Variants in TMEM132D observed in about 807,000 individuals in gnomAD.
TMEM132D encodes the protein transmembrane protein 132D, also known as mature OL transmembrane protein.
TMEM132D carries 21 observed loss-of-function variants against 62.3 expected under a neutral mutation model. The ratio of observed to expected loss-of-function variants is 0.34; its 90% CI spans 0.24 to 0.49. TMEM132D has a LOEUF of 0.49. Among genes scored for constraint, TMEM132D ranks in the 20% least tolerant of loss-of-function variants. The probability of loss-of-function intolerance (pLI) is 0.99; values close to 1 mark genes in which losing one functional copy is unlikely to be tolerated. For synonymous variants in TMEM132D, 621 were observed against 575.6 expected (o/e 1.08, Z -1.13); for missense variants, 1,346 against 1,402.8 (o/e 0.96, Z 0.65).
At chr12:129,550,908 T>C (rs1246733444) in intron 2 of TMEM132D, among the ~76,000 whole-genome samples, 3 of 152,192 alleles carry the variant, frequency 2.0e-5, no homozygotes, top group African/African-American at 7.2e-5. Flanking sequence ...AGTCACACTA[T>C]GAGGCTGTGA....
chr12:129,246,077 C>T (rs879453429), intron 4 of TMEM132D, among the ~76,000 whole-genome samples: 12 of 151,994 alleles, frequency 7.9e-5, no homozygotes, highest in Non-Finnish European at 1.2e-4. Context: ...CATCCACTGG[C>T]TCCTATAAGC....
chr12:129,864,087 C>T (rs1033443270), intron 1 of TMEM132D, among the ~76,000 whole-genome samples: 10 of 152,284 alleles, frequency 6.6e-5, no homozygotes, highest in Middle Eastern at 3.4e-3. Flanking sequence ...AAAGGTGGGG[C>T]ATAAAAAGCA....
At chr12:129,643,000 C>T (rs573359837) in intron 2 of TMEM132D, among the ~76,000 whole-genome samples, 23 of 148,570 alleles carry the variant, frequency 1.5e-4, no homozygotes, top group Admixed American at 2.7e-4. Context: ...TCTCGGCTCA[C>T]TGCAACCTCT....
intron 3 of TMEM132D, among the ~76,000 whole-genome samples, chr12:129,351,960 A>G (rs1869880498): frequency 6.6e-6 from 1 of 152,166 alleles, no homozygotes; most frequent in African/African-American, 2.4e-5. Flanking sequence ...CAGCCTGAAG[A>G]AGTTACAGAA....
At chr12:129,795,106 ACCT>A (rs1871525256) in intron 1 of TMEM132D, among the ~76,000 whole-genome samples, 1 of 152,048 alleles carries the variant, frequency 6.6e-6, no homozygotes, top group Admixed American at 6.5e-5. Context: ...TACACTAAAA[ACCT>A]CCTTACATTA....
intron 5 of TMEM132D, among the ~76,000 whole-genome samples, chr12:129,193,013 C>T (rs1878447411): frequency 6.6e-6 from 1 of 152,090 alleles, no homozygotes; most frequent in South Asian, 2.1e-4. Context: ...AAAAAATTAG[C>T]CGAGCGCGGT....
chr12:129,154,687 A>G (rs993396107), intron 5 of TMEM132D, among the ~76,000 whole-genome samples: 1 of 152,158 alleles, frequency 6.6e-6, no homozygotes, highest in Admixed American at 6.5e-5. Context: ...TTGGTCCCCT[A>G]AGCCATTTTT....
chr12:129,830,526 G>A (rs981090494), intron 1 of TMEM132D, among the ~76,000 whole-genome samples: 1 of 152,080 alleles, frequency 6.6e-6, no homozygotes, highest in African/African-American at 2.4e-5. Flanking sequence ...TAACCTGGAA[G>A]CCCCCTCCCT....
At chr12:129,253,961 A>G (rs1880336467) in intron 4 of TMEM132D, among the ~76,000 whole-genome samples, 1 of 152,240 alleles carries the variant, frequency 6.6e-6, no homozygotes, top group African/African-American at 2.4e-5. Flanking sequence ...AAAGCCCAAA[A>G]GGAAAAAGGA....
At chr12:129,613,815 C>G (rs896823938) in intron 2 of TMEM132D, among the ~76,000 whole-genome samples, 11 of 151,800 alleles carry the variant, frequency 7.2e-5, no homozygotes, top group Non-Finnish European at 1.5e-4. Flanking sequence ...TCTGCAGAAC[C>G]CAGGGGACTG....
chr12:129,317,540 G>A (rs932790557), intron 4 of TMEM132D, among the ~76,000 whole-genome samples: 2 of 152,142 alleles, frequency 1.3e-5, no homozygotes, highest in Admixed American at 1.3e-4. Flanking sequence ...TTCCTTTATA[G>A]GTTACCTGGT....
intron 1 of TMEM132D, among the ~76,000 whole-genome samples, chr12:129,843,198 A>T (rs973409597): frequency 6.6e-6 from 1 of 152,226 alleles, no homozygotes; most frequent in Non-Finnish European, 1.5e-5. Flanking sequence ...GAGAATCTCC[A>T]GTGTGTCTGA....
chr12:129,295,611 C>T (rs1451868170), intron 4 of TMEM132D, among the ~76,000 whole-genome samples: 2 of 151,716 alleles, frequency 1.3e-5, no homozygotes, highest in African/African-American at 4.8e-5. Flanking sequence ...TGAGCCAATT[C>T]TTTATAATAA....
At chr12:129,607,071 C>CTTTT (rs34733158) in intron 2 of TMEM132D, among the ~76,000 whole-genome samples, 2 of 143,024 alleles carry the variant, frequency 1.4e-5, no homozygotes, top group Non-Finnish European at 1.5e-5. Context: ...TTCTTTCTTT[C>CTTTT]TTTTTTTTTT....
intron 3 of TMEM132D, among the ~76,000 whole-genome samples, chr12:129,368,596 T>G (rs994480488): frequency 1.3e-5 from 2 of 152,112 alleles, no homozygotes; most frequent in African/African-American, 4.8e-5. Context: ...ATTATTTTTT[T>G]TACACTCCAC....
chr12:129,350,801 T>C (rs1040648134), intron 3 of TMEM132D, among the ~76,000 whole-genome samples: 1 of 152,180 alleles, frequency 6.6e-6, no homozygotes, highest in African/African-American at 2.4e-5. Context: ...CCATGTATCA[T>C]AGCCACACGG....
chr12:129,396,250 C>A (rs146413046), intron 3 of TMEM132D, among the ~76,000 whole-genome samples: 1 of 151,978 alleles, frequency 6.6e-6, no homozygotes, highest in Non-Finnish European at 1.5e-5. Context: ...AATGGAACAG[C>A]GGGTAGAGGC....
intron 3 of TMEM132D, among the ~76,000 whole-genome samples, chr12:129,366,741 A>AGCAT (rs1489029772): frequency 6.6e-6 from 1 of 152,210 alleles, no homozygotes; most frequent in Non-Finnish European, 1.5e-5. Context: ...AGACAGGGCC[A>AGCAT]GCATGGCTTT....
intron 1 of TMEM132D, among the ~76,000 whole-genome samples, chr12:129,714,177 C>G (rs1055421921): frequency 6.6e-6 from 1 of 152,226 alleles, no homozygotes; most frequent in African/African-American, 2.4e-5. Context: ...CCCCAGGCCC[C>G]TTGCAGCTTG....
Sources: allele counts gnomAD v4.1 joint callset (sites outside exome capture counted in the v4.1 genomes callset), GRCh38; gene constraint gnomAD v4.1.1; transcripts MANE v1.5; gene names NCBI Gene and HGNC (gene_info 2026-07-23, HGNC 2026-07-21).